Variants in BCAS3 observed in about 807,000 individuals in gnomAD.
The protein encoded by BCAS3 is BCAS3 microtubule associated cell migration factor.
In BCAS3, 53 loss-of-function variants were observed where a neutral mutation model predicts 116.1. The observed-to-expected ratio is 0.46, with a 90% CI of 0.37 to 0.57. BCAS3 has a LOEUF of 0.57. Ranked by LOEUF, BCAS3 falls within the 20% of genes least tolerant of loss-of-function variation. The pLI, the probability that BCAS3 is intolerant of heterozygous loss-of-function variation, is 0.00. For synonymous variants in BCAS3, 391 were observed against 408.2 expected (o/e 0.96, Z 0.51); for missense variants, 917 against 1,165.4 (o/e 0.79, Z 3.10).
intron 10 of BCAS3, among the ~76,000 whole-genome samples, chr17:60,901,452 C>G (rs1055094222): frequency 2.0e-5 from 3 of 152,136 alleles, no homozygotes; most frequent in Non-Finnish European, 4.4e-5. Flanking sequence ...TTTTCAAATT[C>G]TTTATTGTAC....
At chr17:60,976,443 T>TATA (rs1568012379) in intron 14 of BCAS3, among the ~76,000 whole-genome samples, 14 of 100,018 alleles carry the variant, frequency 1.4e-4, no homozygotes, top group African/African-American at 5.9e-4. Context: ...ATATATATAT[T>TATA]TTTTTTTTAG....
At chr17:61,257,430 A>AG (rs2144573712) in intron 22 of BCAS3, among the ~76,000 whole-genome samples, 1 of 151,214 alleles carries the variant, frequency 6.6e-6, no homozygotes, top group South Asian at 2.1e-4. Flanking sequence ...CAAAAAAAAA[A>AG]AAAAAAAAAA....
rs115724667 is a variant in BCAS3 at position 61,211,091 on chromosome 17, C to A, written c.2425+126527C>A. 6.6e-6 allele frequency among the ~76,000 whole-genome samples: 1 copy of A among 151,864 alleles called. No homozygotes were observed. Among genetic ancestry groups the A allele is most frequent in the Non-Finnish European group, 1.5e-5 (1 of 67,982 alleles). On this transcript the variant is annotated intron_variant, in intron 22 of 23. Coordinates refer to ENST00000407086, the MANE Select transcript of BCAS3 (RefSeq NM_017679.5). This position sits in a 1 kb window ranked among gnomAD's most constrained non-coding sequence, Gnocchi z 4.4. ...GGGACAGGAGAAAAGGCCTGAGGCACGGGGGAGAAAAGGCAGTTGCAGATA... is the reference window on the plus strand; with the variant it reads ...GGGACAGGAGAAAAGGCCTGAGGCAAGGGGGAGAAAAGGCAGTTGCAGATA...
At chr17:60,795,879 AG>A (rs373852014) in intron 6 of BCAS3, among the ~76,000 whole-genome samples, 55 of 152,106 alleles carry the variant, frequency 3.6e-4, no homozygotes, top group African/African-American at 1.3e-3. Context: ...TAGTAGAGAC[AG>A]GGTTTCACCA....
At chr17:61,016,531 C>G (rs1284220559) in intron 16 of BCAS3, among the ~76,000 whole-genome samples, 26 of 152,116 alleles carry the variant, frequency 1.7e-4, no homozygotes, top group Non-Finnish European at 1.5e-5. Flanking sequence ...AAGATTATCA[C>G]TTCAATAGGT....
At chr17:60,715,590 G>A (rs1212212826) in intron 5 of BCAS3, among the ~76,000 whole-genome samples, 7 of 152,084 alleles carry the variant, frequency 4.6e-5, no homozygotes, top group Non-Finnish European at 7.4e-5. Flanking sequence ...CTGGGTTCAA[G>A]CAATTCTCCT....
In BCAS3 at chr17:60,949,666, G is replaced by A. The variant is rs535492841; in HGVS notation, c.1221+2314G>A. 1.1e-3 allele frequency among the ~76,000 whole-genome samples: 171 copies of A among 152,200 alleles called. 2 individuals carry two copies. In the South Asian group the frequency reaches 0.017, roughly 15 times the overall value. ...CAGGCATACAATGCGTAATGATCTC[G>A]TCAGACTAATTGGGATATCCATTGT... is the stretch of plus-strand genomic sequence containing the variant. On this transcript the variant is annotated intron_variant, in intron 14 of 23. Transcript: ENST00000407086.
Position 61,015,775 on chromosome 17 carries a change from A to T in BCAS3, c.1511A>T (p.Tyr504Phe). 2 of 1,613,924 alleles carry T rather than the reference A, an allele frequency of 1.2e-6. No homozygotes were observed. The highest frequency in any genetic ancestry group is 1.7e-6 in the Non-Finnish European group (2 of 1,179,914). ...GGGAAACTGAACAGCCAAGACTCCT[A>T]TAACAATTTTACCAACAACAACCCT... ...LHGKLNSQDS[Y>F]NNFTNNNPGN... The change falls in exon 16 of 24, where the codon TAT becomes TTT. Residue 504 changes from tyrosine to phenylalanine, a missense_variant. Around this residue, in one of 3 missense-constraint regions of BCAS3, gnomAD observed 807 missense variants for 1,026.0 expected, o/e 0.79. Transcript: ENST00000407086.
At chr17:60,710,673 C>T (rs992768652) in intron 5 of BCAS3, among the ~76,000 whole-genome samples, 29 of 152,128 alleles carry the variant, frequency 1.9e-4, no homozygotes, top group East Asian at 9.7e-4. Context: ...CCTCGTGATC[C>T]GCCCGCCTTG....
intron 7 of BCAS3, among the ~76,000 whole-genome samples, chr17:60,863,249 T>G (rs996409169): frequency 6.6e-6 from 1 of 152,222 alleles, no homozygotes; most frequent in African/African-American, 2.4e-5. Flanking sequence ...CTATTCTGTT[T>G]CCTTGAAATA....
In BCAS3 at chr17:61,084,846, A is replaced by G. The variant is rs1379995128; in HGVS notation, c.2425+282A>G. Among the ~76,000 whole-genome samples the G allele has an allele frequency of 6.6e-6, 1 of 152,244 alleles. No individual in the cohort carries two copies. Among genetic ancestry groups the G allele is most frequent in the Admixed American group, 6.5e-5 (1 of 15,288 alleles). On this transcript the variant is annotated intron_variant, in intron 22 of 23. Transcript: ENST00000407086. The surrounding 1 kb of genome is among the most constrained non-coding windows in gnomAD (Gnocchi z 5.5). ...AGGGTTGATGACTGTTTTGCCTTTGATCACTGAAATGTGGAGAAGCAACCT... is the reference window on the plus strand; with the variant it reads ...AGGGTTGATGACTGTTTTGCCTTTGGTCACTGAAATGTGGAGAAGCAACCT...
At chr17:60,811,520 TAA>T (rs548812040) in intron 7 of BCAS3, 855 of 293,094 alleles carry the variant, frequency 2.9e-3, no homozygotes, top group South Asian at 5.1e-3. Flanking sequence ...AGTTCAGAGG[TAA>T]AAAAAAAAAA....
At chr17:60,944,527 A>G (rs1372395329) in intron 13 of BCAS3, among the ~76,000 whole-genome samples, 1 of 152,088 alleles carries the variant, frequency 6.6e-6, no homozygotes, top group East Asian at 1.9e-4. Context: ...TGATTATTTG[A>G]GGCCTGGATT....
At chr17:60,784,294 C>CA (rs2046087623) in intron 6 of BCAS3, among the ~76,000 whole-genome samples, 15 of 141,274 alleles carry the variant, frequency 1.1e-4, no homozygotes, top group African/African-American at 3.7e-4. Flanking sequence ...AAAAATGAAA[C>CA]AAATTTTTTT....
rs978008389 is a variant in BCAS3, at chr17:61,128,966, C to A, written c.2425+44402C>A. Among the ~76,000 whole-genome samples, 9 of 152,172 alleles carry A rather than the reference C, an allele frequency of 5.9e-5. No homozygotes were observed. Among genetic ancestry groups the A allele is most frequent in the African/African-American group, 2.2e-4 (9 of 41,436 alleles). On this transcript the variant is annotated intron_variant, in intron 22 of 23. Transcript: ENST00000407086. The surrounding 1 kb of genome is among the most constrained non-coding windows in gnomAD (Gnocchi z 4.1). ...GGGGACAGGGCTATATTGAGTTCTCCGCAGTTTTCTAACAGAGAGATTTAG... is the reference window on the plus strand; with the variant it reads ...GGGGACAGGGCTATATTGAGTTCTCAGCAGTTTTCTAACAGAGAGATTTAG...
rs1018853390 is a variant in BCAS3 at position 61,056,528 on chromosome 17, T to C, written c.2029+15636T>C. ...TTTATAAAGTATAAAAATTCTTTTA[T>C]AGATATTTTTTAAAGTTTAAGATGC... On this transcript the variant is annotated intron_variant, in intron 19 of 23. Coordinates refer to ENST00000407086, the MANE Select transcript of BCAS3 (RefSeq NM_017679.5). This position sits in a 1 kb window ranked among gnomAD's most constrained non-coding sequence, Gnocchi z 4.9. 6.6e-6 allele frequency among the ~76,000 whole-genome samples: 1 copy of C among 152,054 alleles called. No homozygotes were observed. Among genetic ancestry groups the C allele is most frequent in the African/African-American group, 2.4e-5 (1 of 41,450 alleles).
At chr17:60,787,917 CTTTT>C (rs76548598) in intron 6 of BCAS3, among the ~76,000 whole-genome samples, 3 of 139,846 alleles carry the variant, frequency 2.1e-5, no homozygotes, top group Admixed American at 7.2e-5. Context: ...TGAATAGTAC[CTTTT>C]TTTTTTTTTA....
At chr17:60,897,086 G>A (rs2165854) in intron 10 of BCAS3, among the ~76,000 whole-genome samples, 28,544 of 152,004 alleles carry the variant, frequency 0.19, 3,269 homozygotes, top group African/African-American at 0.32. Context: ...AGCATGTCTT[G>A]TAGGGTCAAT....
intron 5 of BCAS3, among the ~76,000 whole-genome samples, chr17:60,742,571 T>A (rs1037806846): frequency 6.6e-5 from 10 of 151,438 alleles, no homozygotes; most frequent in Non-Finnish European, 1.2e-4. Flanking sequence ...TAGCTGGGAC[T>A]ACAGGTGTGT....
Sources: gnomAD v4.1 joint callset for allele counts (sites outside exome capture counted in the v4.1 genomes callset) on GRCh38, gnomAD v4.1.1 for gene constraint, gnomAD v4.1.1 regional missense constraint, Gnocchi (gnomAD v3.1) non-coding constraint, MANE v1.5 for transcripts, NCBI Gene and HGNC (gene_info 2026-07-23, HGNC 2026-07-21) for gene names.